Variants in AUTS2 observed in about 807,000 individuals in gnomAD.
AUTS2 encodes the protein autism susceptibility gene 2 protein.
In AUTS2, 17 loss-of-function variants were observed where a neutral mutation model predicts 112.4. That is an observed-to-expected ratio of 0.15 (90% CI 0.10 to 0.23). The LOEUF (loss-of-function observed/expected upper bound fraction) is 0.23. Ranked by LOEUF, AUTS2 falls within the 10% of genes least tolerant of loss-of-function variation. The probability of loss-of-function intolerance (pLI) is 1.00; values close to 1 mark genes in which losing one functional copy is unlikely to be tolerated. For synonymous variants in AUTS2, 751 were observed against 702.7 expected (o/e 1.07, Z -1.09); for missense variants, 1,510 against 1,701.6 (o/e 0.89, Z 1.98).
At chr7:70,456,093 T>C (rs1796728186) in intron 5 of AUTS2, among the ~76,000 whole-genome samples, 1 of 152,188 alleles carries the variant, frequency 6.6e-6, no homozygotes, top group Non-Finnish European at 1.5e-5. Context: ...AGGTTATATG[T>C]ATGCACATCA....
chr7:70,249,686 A>G (rs1439728459), intron 4 of AUTS2, among the ~76,000 whole-genome samples: 2 of 152,054 alleles, frequency 1.3e-5, no homozygotes, highest in Non-Finnish European at 2.9e-5. Flanking sequence ...GATCATTGTT[A>G]CAGGATCCAC....
Position 70,495,032 on chromosome 7 carries a change from G to A in AUTS2, c.690+59251G>A, listed in dbSNP as rs528843513. 6.6e-5 allele frequency among the ~76,000 whole-genome samples: 10 copies of A among 152,162 alleles called. No individual in the cohort carries two copies. In the East Asian group the frequency reaches 1.5e-3, roughly 24 times the overall value. On this transcript the variant is annotated intron_variant, in intron 5 of 18. Coordinates refer to ENST00000342771, the MANE Select transcript of AUTS2 (RefSeq NM_015570.4). ...TGCATGAAACATCAACATCTATGCT[G>A]TGTGGCTATTACCCCTAAACATAAA...
intron 4 of AUTS2, among the ~76,000 whole-genome samples, chr7:70,283,842 G>A (rs559683189): frequency 3.4e-4 from 52 of 151,962 alleles, no homozygotes; most frequent in African/African-American, 1.2e-3. Flanking sequence ...TTTTAAAAAA[G>A]GAAAGAAAGG....
At position 70,610,423 on chromosome 7, in the gene AUTS2, C is replaced by CTTTTTT. The variant is rs3054735; in HGVS notation, c.691-88122_691-88117dup. ...ATTCTCACCAAAACTTAGCGCTCAT[C>CTTTTTT]TTTTTTTTTTTTTTTTTTTTTTTTT... On this transcript the variant is annotated intron_variant, in intron 5 of 18. Transcript: ENST00000342771. 2.6e-5 allele frequency among the ~76,000 whole-genome samples: 2 copies of CTTTTTT among 77,392 alleles called. 1 individual carries two copies. Among genetic ancestry groups the CTTTTTT allele is most frequent in the African/African-American group, 1.0e-4 (2 of 19,862 alleles). The allele number at this position is 77,392 out of a possible 152,430, so 50.8% of individuals were successfully genotyped here. A position where few individuals can be genotyped will look rare whatever the true frequency, so the allele number is the denominator to read the frequency against.
At chr7:69,710,434 C>T (rs1318979272) in intron 1 of AUTS2, among the ~76,000 whole-genome samples, 1 of 152,182 alleles carries the variant, frequency 6.6e-6, no homozygotes, top group African/African-American at 2.4e-5. Context: ...CTTTGAGATG[C>T]AGTAGACTGG....
intron 4 of AUTS2, among the ~76,000 whole-genome samples, chr7:70,262,977 T>A (rs985766488): frequency 3.3e-5 from 5 of 152,224 alleles, no homozygotes; most frequent in African/African-American, 1.2e-4. Flanking sequence ...ATAAATTAAT[T>A]TGACAAATAT....
intron 4 of AUTS2, among the ~76,000 whole-genome samples, chr7:70,274,338 G>A (rs1349124683): frequency 6.6e-6 from 1 of 151,732 alleles, no homozygotes; most frequent in African/African-American, 2.4e-5. Flanking sequence ...TGTTGCTCAG[G>A]CTAGAGTGCA....
At chr7:70,412,357 G>C (rs1395300324) in intron 4 of AUTS2, among the ~76,000 whole-genome samples, 1 of 152,188 alleles carries the variant, frequency 6.6e-6, no homozygotes, top group Non-Finnish European at 1.5e-5. Flanking sequence ...GTTTGGGAAA[G>C]TAAAGAATGC....
At chr7:69,987,122 C>A (rs1329159794) in intron 2 of AUTS2, among the ~76,000 whole-genome samples, 9 of 152,190 alleles carry the variant, frequency 5.9e-5, no homozygotes, top group African/African-American at 2.2e-4. Flanking sequence ...ACCATAATTT[C>A]TCTTCGCTGG....
intron 4 of AUTS2, among the ~76,000 whole-genome samples, chr7:70,401,962 A>G (rs1396745777): frequency 1.3e-5 from 2 of 152,218 alleles, no homozygotes; most frequent in Admixed American, 1.3e-4. Flanking sequence ...TTCTTACACT[A>G]TTCCCCCCAG....
chr7:70,121,440 A>G (rs894176718), intron 3 of AUTS2, among the ~76,000 whole-genome samples: 4 of 152,178 alleles, frequency 2.6e-5, no homozygotes, highest in African/African-American at 9.6e-5. Context: ...TGCAAATCAT[A>G]TAAGTGGTGT....
intron 1 of AUTS2, among the ~76,000 whole-genome samples, chr7:69,831,335 T>A (rs538846621): frequency 6.6e-6 from 1 of 152,300 alleles, no homozygotes; most frequent in African/African-American, 2.4e-5. Flanking sequence ...GCTTGGGGCA[T>A]CATTGCTGGA....
At chr7:69,815,517 A>G (rs775705041) in intron 1 of AUTS2, among the ~76,000 whole-genome samples, 1 of 151,948 alleles carries the variant, frequency 6.6e-6, no homozygotes. Context: ...AGGCCTCTTT[A>G]TGACTACTTT....
chr7:70,153,899 C>T (rs1481660663), intron 4 of AUTS2, among the ~76,000 whole-genome samples: 2 of 152,160 alleles, frequency 1.3e-5, no homozygotes, highest in Admixed American at 1.3e-4. Flanking sequence ...AGAGCCCAAT[C>T]CTTTTTTTGG....
In AUTS2 at chr7:70,791,082, A is replaced by G. The variant is rs746748479; in HGVS notation, c.*86A>G. ...GAGAGACAGAACTCCTGCATGGCTC[A>G]CACAGACTGGGGGGGAAAGCCCCAC... On this transcript the variant is annotated 3_prime_UTR_variant, in exon 19 of 19. Coordinates refer to ENST00000342771, the MANE Select transcript of AUTS2 (RefSeq NM_015570.4). 1.2e-4 allele frequency: 165 copies of G among 1,334,404 alleles called. No individual in the cohort carries two copies. Among genetic ancestry groups the G allele is most frequent in the Non-Finnish European group, 1.5e-4 (157 of 1,034,706 alleles). 82.7% of individuals were successfully genotyped at this position (1,334,404 alleles called of 1,614,324 possible). A position where few individuals can be genotyped will look rare whatever the true frequency, so the allele number is the denominator to read the frequency against.
chr7:69,905,221 A>G lies in AUTS2; in HGVS notation c.522+5723A>G, dbSNP rs548538516. 5.1e-4 allele frequency among the ~76,000 whole-genome samples: 78 copies of G among 152,352 alleles called. 1 individual carries two copies. The Middle Eastern group carries it at 0.014, about 27-fold the overall frequency. ...GATACATCTTTGGAATGTTATGACC[A>G]GTAATAATTTTATCCTAAATGACAT... On this transcript the variant is annotated intron_variant, in intron 2 of 18. Coordinates refer to ENST00000342771, the MANE Select transcript of AUTS2 (RefSeq NM_015570.4).
intron 5 of AUTS2, among the ~76,000 whole-genome samples, chr7:70,439,829 T>C (rs1315076911): frequency 6.6e-6 from 1 of 152,172 alleles, no homozygotes; most frequent in African/African-American, 2.4e-5. Context: ...CTAAGAAATA[T>C]CCCGTTTGGT....
At chr7:70,644,289 G>A (rs62456778) in intron 5 of AUTS2, among the ~76,000 whole-genome samples, 2,824 of 152,256 alleles carry the variant, frequency 0.019, 47 homozygotes, top group East Asian at 0.068. Flanking sequence ...AAGGGACGGA[G>A]GAGTGGTGAT....
chr7:70,764,660 G>T (rs1175078008), intron 7 of AUTS2, 92 bp from the exon 8 acceptor site: 2 of 672,186 alleles, frequency 3.0e-6, no homozygotes, highest in Non-Finnish European at 2.7e-6. Context: ...CTGTGGTGAG[G>T]GTTTAGGGGA....
Sources: allele counts gnomAD v4.1 joint callset (sites outside exome capture counted in the v4.1 genomes callset), GRCh38; gene constraint gnomAD v4.1.1; transcripts MANE v1.5; gene names NCBI Gene and HGNC (gene_info 2026-07-23, HGNC 2026-07-21).